Variants in MCRS1 observed in about 807,000 individuals in gnomAD.
MCRS1 encodes the protein microspherule protein 1, also known as 58 kDa microspherule protein.
A neutral mutation model predicts 62.9 loss-of-function variants in MCRS1; 22 were observed. That is an observed-to-expected ratio of 0.35 (90% CI 0.25 to 0.50). The LOEUF (loss-of-function observed/expected upper bound fraction) is 0.50, where lower values mean the gene tolerates loss of function less well. Among genes scored for constraint, MCRS1 ranks in the 20% least tolerant of loss-of-function variants. The pLI is 0.98. For missense variants in MCRS1, 456 were observed against 601.1 expected, an observed-to-expected ratio of 0.76 and a Z score of 2.52; for synonymous variants, 244 against 233.5, an observed-to-expected ratio of 1.04 and a Z score of -0.41.
chr12:49,564,624 G>A (rs1938955479), intron 5 of MCRS1, 34 bp from the exon 6 acceptor site: 1 of 1,609,002 alleles, frequency 6.2e-7, no homozygotes, highest in Non-Finnish European at 8.5e-7. Context: ...CTCCAGCCTT[G>A]GAGCTGGGAA....
Position 49,564,394 on chromosome 12 carries a change from T to C in MCRS1, c.557+87A>G, listed in dbSNP as rs1160767748. The C allele has an allele frequency of 5.2e-6, 6 of 1,149,800 alleles. No individual in the cohort carries two copies. The South Asian group carries it at 5.7e-5, about 11-fold the overall frequency. 71.2% of individuals were successfully genotyped at this position (1,149,800 alleles called of 1,614,324 possible). A position where few individuals can be genotyped will look rare whatever the true frequency, so the allele number is the denominator to read the frequency against. On this transcript the variant is annotated intron_variant, in intron 6 of 14. Transcript: ENST00000343810. Reference sequence around the variant, plus strand: ...GGAGTCCTGCCTCCCAGACCCCTCCTGGGGCCCTGGTACAATTCCCTCTGC... The same window carrying C: ...GGAGTCCTGCCTCCCAGACCCCTCCCGGGGCCCTGGTACAATTCCCTCTGC...
chr12:49,565,605 G>C lies in MCRS1; in HGVS notation c.212C>G (p.Thr71Ser), dbSNP rs1263523502. 4.3e-6 allele frequency: 7 copies of C among 1,613,822 alleles called. No individual in the cohort carries two copies. The highest frequency in any genetic ancestry group is 5.9e-6 in the Non-Finnish European group (7 of 1,179,844). ...CACCCCACTGGCCCCCTTTGCCCGGGTAGAAGATTTTGCCAGGCTGCTCTC... is the reference window on the plus strand; with the variant it reads ...CACCCCACTGGCCCCCTTTGCCCGGCTAGAAGATTTTGCCAGGCTGCTCTC... ...LVESSLAKSS[T>S]RAKGASGVEP... Residue 71 changes from threonine (T) to serine (S), a missense_variant, in exon 4 of 15, where the codon ACC becomes AGC. Coordinates refer to ENST00000343810, the MANE Select transcript of MCRS1 (RefSeq NM_006337.5).
At chr12:49,563,286 G>T in intron 7 of MCRS1, 147 bp from the exon 8 acceptor site, 1 of 1,405,708 alleles carries the variant, frequency 7.1e-7, no homozygotes, top group Non-Finnish European at 9.8e-7. Context: ...CTCTTCCTGA[G>T]GCCCCTGTCA....
Position 49,563,076 on chromosome 12 carries a change from G to A in MCRS1, c.730C>T (p.Leu244=), listed in dbSNP as rs753611026. The change falls in exon 8 of 15, where the codon CTG becomes TTG. Residue 244 remains leucine, a synonymous_variant. Transcript: ENST00000343810. ...LLHRHPDAFY[L]ARTAKALQAH... ...TGCAGGGCCTTCGCGGTACGGGCCA[G>A]GTAGAAGGCATCAGGGTGTCTGTGC... The A allele has an allele frequency of 5.7e-6, 9 of 1,573,852 alleles. 1 individual carries two copies. In the East Asian group the frequency reaches 2.1e-4, roughly 36 times the overall value.
intron 8 of MCRS1, among the ~76,000 whole-genome samples, chr12:49,560,738 G>A (rs1938722515): frequency 6.6e-6 from 1 of 152,200 alleles, no homozygotes; most frequent in African/African-American, 2.4e-5. Context: ...CCTAGTTTGG[G>A]ACGGAGGCAG....
At chr12:49,561,696 C>T (rs969942514) in intron 8 of MCRS1, among the ~76,000 whole-genome samples, 2 of 152,234 alleles carry the variant, frequency 1.3e-5, no homozygotes, top group Non-Finnish European at 2.9e-5. Flanking sequence ...GTAGCGCGAT[C>T]TTGGCTCACT....
In MCRS1 at chr12:49,558,422, G is replaced by A. The variant is rs1592517339; in HGVS notation, c.*221C>T. The A allele has an allele frequency of 5.3e-6, 3 of 567,140 alleles. No homozygotes were observed. In the East Asian group the frequency reaches 8.5e-5, roughly 16 times the overall value. The allele number at this position is 567,140 out of a possible 1,614,324, so 35.1% of individuals were successfully genotyped here. On this transcript the variant is annotated 3_prime_UTR_variant, in exon 15 of 15. Transcript: ENST00000343810. ...GGGGTAGGGTTGTTTTTAGAGAGAG[G>A]AAGATGGGGAGGGGCTCTGGATCTA...
At position 49,559,419 on chromosome 12, in the gene MCRS1, C is replaced by G; in HGVS notation, c.1086+34G>C. 6.2e-7 allele frequency: 1 copy of G among 1,613,150 alleles called. No homozygotes were observed. The highest frequency in any genetic ancestry group is 8.5e-7 in the Non-Finnish European group (1 of 1,179,260). On this transcript the variant is annotated intron_variant, in intron 12 of 14. Coordinates refer to ENST00000343810, the MANE Select transcript of MCRS1 (RefSeq NM_006337.5). This position sits in a 1 kb window ranked among gnomAD's most constrained non-coding sequence, Gnocchi z 5.2. Reference sequence around the variant, plus strand: ...CAGAGAAAGGCACTGACAGAGGAAGCAGCCTAAGAAGGGCGGGGATGGGCC... The same window carrying G: ...CAGAGAAAGGCACTGACAGAGGAAGGAGCCTAAGAAGGGCGGGGATGGGCC...
chr12:49,559,899 G>C lies in MCRS1; in HGVS notation c.910+40C>G. On this transcript the variant is annotated intron_variant, in intron 10 of 14. Coordinates refer to ENST00000343810, the MANE Select transcript of MCRS1 (RefSeq NM_006337.5). This position sits in a 1 kb window ranked among gnomAD's most constrained non-coding sequence, Gnocchi z 5.2. ...GTACTGGTCCTCTTGATTCTGGCAG[G>C]AGCTTCCATCCCCTCACCACCCCAT... The C allele has an allele frequency of 6.2e-7, 1 of 1,614,122 alleles. No individual in the cohort carries two copies. The highest frequency in any genetic ancestry group is 8.5e-7 in the Non-Finnish European group (1 of 1,180,006).
At position 49,566,836 on chromosome 12, in the gene MCRS1, G is replaced by A. The variant is rs1458947241; in HGVS notation, c.-105C>T. Reference sequence around the variant, plus strand: ...ACCAGGTGAGCTTAAAGGCTGAGAGGAGATTCTGCAAAGGAGAAATGAGGC... The same window carrying A: ...ACCAGGTGAGCTTAAAGGCTGAGAGAAGATTCTGCAAAGGAGAAATGAGGC... On this transcript the variant is annotated 5_prime_UTR_variant, in exon 2 of 15. Coordinates refer to ENST00000343810, the MANE Select transcript of MCRS1 (RefSeq NM_006337.5). 3 of 1,465,758 alleles carry A rather than the reference G, an allele frequency of 2.0e-6. No homozygotes were observed. The highest frequency in any genetic ancestry group is 1.9e-5 in the Admixed American group (1 of 52,434). 90.8% of individuals were successfully genotyped at this position (1,465,758 alleles called of 1,614,324 possible).
At position 49,565,562 on chromosome 12, in the gene MCRS1, CG is replaced by C. The variant is rs1352565133; in HGVS notation, c.254del (p.Ser85TrpfsTer35). The C allele has an allele frequency of 6.2e-7, 1 of 1,608,244 alleles. No homozygotes were observed. Among genetic ancestry groups the C allele is most frequent in the Non-Finnish European group, 8.5e-7 (1 of 1,177,126 alleles). ...GASGVEPGRCSGSEPSSSEKK... is the reference protein window; with the variant it reads ...GASGVEPGRCXGSEPSSSEKK... ...TCTCACTGGAGGAGGGTTCACTCCC[CG>C]AACAGCGCCCTGGTTCCACCCCACT... On this transcript the variant is annotated frameshift_variant, in exon 4 of 15. Coordinates refer to ENST00000343810, the MANE Select transcript of MCRS1 (RefSeq NM_006337.5). LOFTEE classifies it high-confidence loss of function.
In MCRS1 at chr12:49,564,475, A is replaced by ACT; in HGVS notation, c.557+4_557+5dup. ...CTCCCCACTGCTGGAACCAGCTCCC[A>ACT]CTCACTTGGAGATGACAGGATCGTA... On this transcript the variant is annotated splice_donor_region_variant and intron_variant, in intron 6 of 14. Transcript: ENST00000343810. The ACT allele has an allele frequency of 6.2e-7, 1 of 1,607,898 alleles. No homozygotes were observed. Among genetic ancestry groups the ACT allele is most frequent in the Non-Finnish European group, 8.5e-7 (1 of 1,175,696 alleles).
rs572609424 is a variant in MCRS1 at position 49,565,388 on chromosome 12, G to A, written c.288+141C>T. Reference sequence around the variant, plus strand: ...AGTAGGGAGAGGTGTGTTCCCAGGAGGGGGGCATCTGAGATGAGGGCTGGG... The same window carrying A: ...AGTAGGGAGAGGTGTGTTCCCAGGAAGGGGGCATCTGAGATGAGGGCTGGG... On this transcript the variant is annotated intron_variant, in intron 4 of 14. Transcript: ENST00000343810. The A allele has an allele frequency of 1.6e-4, 236 of 1,500,668 alleles. 2 individuals are homozygous for A. The South Asian group carries it at 3.1e-3, about 20-fold the overall frequency. 93.0% of individuals were successfully genotyped at this position (1,500,668 alleles called of 1,614,324 possible).
chr12:49,565,276 T>G, intron 4 of MCRS1: 1 of 985,376 alleles, frequency 1.0e-6, no homozygotes. Context: ...GCTCCCAGAA[T>G]AGATGCATGC....
chr12:49,563,447 T>A lies in MCRS1; in HGVS notation c.657A>T (p.Lys219Asn). The change falls in exon 7 of 15, where the codon AAA (lysine) becomes AAT (asparagine). Residue 219 changes from lysine (K) to asparagine (N), a missense_variant. Physicochemically the swap from Lys to Asn is moderately conservative, Grantham distance 94 (BLOSUM62 0). Around this residue, in one of 3 missense-constraint regions of MCRS1, gnomAD observed 393 missense variants for 523.5 expected, o/e 0.75. Transcript: ENST00000343810. The stretch of plus-strand genomic sequence containing the variant: ...CAGCCCTCAGCCTTACCGATCCCAC[T>A]TTGCTCAGCAGCTGCTCCTCAGCCT... Reference protein sequence around the residue: ...FSKAEEQLLSKVGSTSQPTLE... With the variant: ...FSKAEEQLLSNVGSTSQPTLE... The A allele has an allele frequency of 6.2e-7, 1 of 1,612,170 alleles. No individual in the cohort carries two copies.
chr12:49,566,141 C>T lies in MCRS1; in HGVS notation c.85G>A (p.Ala29Thr), dbSNP rs141795897. The T allele has an allele frequency of 3.7e-6, 6 of 1,614,126 alleles. No homozygotes were observed. The highest frequency in any genetic ancestry group is 5.1e-6 in the Non-Finnish European group (6 of 1,180,036). The change falls in exon 3 of 15, where the codon GCA (alanine) becomes ACA (threonine). Residue 29 changes from alanine to threonine, a missense_variant. Ala to Thr is a moderately conservative substitution (Grantham distance 58). Transcript: ENST00000343810. ...ASRSEDEESL[A>T]GQKRASSQAL... ...TGGGAGGAGGCTCGCTTCTGCCCTG[C>T]CAGTGACTCCTCATCCTCTGAGCGG... is the stretch of plus-strand genomic sequence containing the variant.
At position 49,558,435 on chromosome 12, in the gene MCRS1, GGCT is replaced by G; in HGVS notation, c.*205_*207del. On this transcript the variant is annotated 3_prime_UTR_variant, in exon 15 of 15. Transcript: ENST00000343810. ...TTTTAGAGAGAGGAAGATGGGGAGG[GGCT>G]CTGGATCTAGGGAAGCCTGAGGTTC... The G allele has an allele frequency of 1.7e-6, 1 of 574,342 alleles. No individual in the cohort carries two copies. Among genetic ancestry groups the G allele is most frequent in the Admixed American group, 3.2e-5 (1 of 31,286 alleles). The allele number at this position is 574,342 out of a possible 1,614,324, so 35.6% of individuals were successfully genotyped here. A position where few individuals can be genotyped will look rare whatever the true frequency, so the allele number is the denominator to read the frequency against.
At chr12:49,567,933 C>A (rs1188837881) in intron 1 of MCRS1, 115 bp downstream of exon 1, 2 of 152,250 alleles carry the variant, frequency 1.3e-5, no homozygotes, top group African/African-American at 4.8e-5. Context: ...TTTCGGGGCG[C>A]CACTGGGGCG....
Position 49,564,753 on chromosome 12 carries a change from A to G in MCRS1, c.431T>C (p.Ile144Thr), listed in dbSNP as rs144889219. 17 of 1,612,508 alleles carry G rather than the reference A, an allele frequency of 1.1e-5. No homozygotes were observed. The highest frequency in any genetic ancestry group is 1.4e-5 in the Non-Finnish European group (17 of 1,179,154). Residue 144 changes from isoleucine (I) to threonine (T), a missense_variant, in exon 5 of 15, where the codon ATA (isoleucine) becomes ACA (threonine). Transcript: ENST00000343810. ...RWKPADDLLL[I>T]NAVLQTNDLT... ...GGGCACTACCTGCAACACAGCATTT[A>G]TGAGCAGGAGGTCATCTGCAGGCTT...
Sources: allele counts gnomAD v4.1 joint callset (sites outside exome capture counted in the v4.1 genomes callset), GRCh38; gene constraint gnomAD v4.1.1; regional missense constraint gnomAD v4.1.1; non-coding constraint Gnocchi (gnomAD v3.1); transcripts MANE v1.5; gene names NCBI Gene and HGNC (gene_info 2026-07-23, HGNC 2026-07-21).